SYNJ1: variants seen among roughly 807,000 people sequenced by gnomAD.
SYNJ1 encodes the protein synaptojanin 1, also known as polyphosphatidylinositol phosphatase SYNJ1.
In SYNJ1, 78 loss-of-function variants were observed where a neutral mutation model predicts 168.2. The observed-to-expected ratio is 0.46, with a 90% CI of 0.39 to 0.56. SYNJ1 has a LOEUF of 0.56. Ranked by LOEUF, SYNJ1 falls within the 20% of genes least tolerant of loss-of-function variation. The pLI is 0.00. For missense variants in SYNJ1, 1,303 were observed against 1,597.6 expected (o/e 0.82, Z 3.14); for synonymous variants, 539 against 548.6 (o/e 0.98, Z 0.24).
At chr21:32,690,312 A>T (rs2041976285) in intron 6 of SYNJ1, among the ~76,000 whole-genome samples, 1 of 152,182 alleles carries the variant, frequency 6.6e-6, no homozygotes, top group Non-Finnish European at 1.5e-5. Context: ...GGCTCAAGGG[A>T]TCCTCCCACC....
At chr21:32,704,435 G>A (rs570658103) in intron 2 of SYNJ1, among the ~76,000 whole-genome samples, 3 of 152,276 alleles carry the variant, frequency 2.0e-5, no homozygotes, top group South Asian at 2.1e-4. Flanking sequence ...CCTACTTTAC[G>A]ATATATGCTT....
chr21:32,656,435 C>T (rs1053017508), intron 21 of SYNJ1, among the ~76,000 whole-genome samples: 1 of 151,934 alleles, frequency 6.6e-6, no homozygotes, highest in African/African-American at 2.4e-5. Flanking sequence ...CTGGGTGAGA[C>T]CCTGTCTTAA....
At position 32,638,854 on chromosome 21, in the gene SYNJ1, A is replaced by C. The variant is rs1484622398; in HGVS notation, c.3915+54T>G. Reference sequence around the variant, plus strand: ...GCAATAATTAAAATAGGTATGTTCAAAGACTAAATCATATGCATCAAAGAT... The same window carrying C: ...GCAATAATTAAAATAGGTATGTTCACAGACTAAATCATATGCATCAAAGAT... On this transcript the variant is annotated intron_variant, in intron 31 of 32. Transcript: ENST00000674351. The C allele has an allele frequency of 6.0e-6, 9 of 1,492,996 alleles. No individual in the cohort carries two copies. In the Admixed American group the frequency reaches 1.5e-4, roughly 25 times the overall value. The allele number at this position is 1,492,996 out of a possible 1,614,324, so 92.5% of individuals were successfully genotyped here.
chr21:32,709,008 T>C (rs1288043886), intron 2 of SYNJ1, among the ~76,000 whole-genome samples: 1 of 152,180 alleles, frequency 6.6e-6, no homozygotes, highest in Non-Finnish European at 1.5e-5. Context: ...TAACCAAAAC[T>C]TGCCATATAA....
At chr21:32,633,928 T>G (rs1345966086) in intron 32 of SYNJ1, among the ~76,000 whole-genome samples, 1 of 152,216 alleles carries the variant, frequency 6.6e-6, no homozygotes, top group Non-Finnish European at 1.5e-5. Flanking sequence ...TAGACCTATA[T>G]GTGGAAATGT....
chr21:32,641,647 ATATT>A (rs1046666398), intron 29 of SYNJ1, among the ~76,000 whole-genome samples: 1 of 152,152 alleles, frequency 6.6e-6, no homozygotes, highest in African/African-American at 2.4e-5. Context: ...GACTCTTAAG[ATATT>A]TATTTAGTGA....
intron 6 of SYNJ1, among the ~76,000 whole-genome samples, chr21:32,690,707 G>A (rs917247017): frequency 2.0e-5 from 3 of 151,844 alleles, no homozygotes; most frequent in Non-Finnish European, 3.0e-5. Flanking sequence ...CGGATCACCT[G>A]AGGTCAGGAG....
At chr21:32,672,770 A>G (rs1439771733) in intron 14 of SYNJ1, among the ~76,000 whole-genome samples, 2 of 152,232 alleles carry the variant, frequency 1.3e-5, no homozygotes, top group South Asian at 2.1e-4. Flanking sequence ...AAGTTATTAC[A>G]TAAGTACCAA....
chr21:32,679,941 T>C (rs1333123472), intron 11 of SYNJ1, among the ~76,000 whole-genome samples: 1 of 152,006 alleles, frequency 6.6e-6, no homozygotes, highest in African/African-American at 2.4e-5. Context: ...TATATCTATA[T>C]ATTATGTTAA....
intron 15 of SYNJ1, 43 bp downstream of exon 15, chr21:32,670,245 C>T: frequency 6.4e-7 from 1 of 1,560,982 alleles, no homozygotes; most frequent in South Asian, 1.1e-5. Flanking sequence ...CATAGTTTCC[C>T]TCAACTGGCA....
intron 31 of SYNJ1, among the ~76,000 whole-genome samples, chr21:32,637,406 CTTTTTTTTTTTT>C (rs5843562): frequency 1.0e-5 from 1 of 100,298 alleles, no homozygotes; most frequent in Admixed American, 1.2e-4. Context: ...TTTCTTTTTT[CTTTTTTTTTTTT>C]TTTTTTTTGA....
In SYNJ1 at chr21:32,650,344, T is replaced by C. The variant is rs1417962676; in HGVS notation, c.2877A>G (p.Leu959=). 2.5e-6 allele frequency: 4 copies of C among 1,601,830 alleles called. No individual in the cohort carries two copies. The highest frequency in any genetic ancestry group is 3.4e-6 in the Non-Finnish European group (4 of 1,176,608). ...AAGCAATAGTTATAGTCCGATTCAATAACTAGCGGAGTAAAAGAGATATAA... is the reference window on the plus strand; with the variant it reads ...AAGCAATAGTTATAGTCCGATTCAACAACTAGCGGAGTAAAAGAGATATAA... ...LNVLSLNGKE[L]LNRTITIALK... is the part of the protein sequence containing the mutation. The change falls in exon 23 of 33, where the codon TTA becomes TTG. Residue 959 remains leucine (L), a splice_region_variant and synonymous_variant. Coordinates refer to ENST00000674351, the MANE Select transcript of SYNJ1 (RefSeq NM_203446.3).
chr21:32,714,974 T>C (rs2042969160), intron 2 of SYNJ1, among the ~76,000 whole-genome samples: 1 of 152,134 alleles, frequency 6.6e-6, no homozygotes, highest in South Asian at 2.1e-4. Flanking sequence ...TCAACCCAGC[T>C]CTCATCAATC....
At chr21:32,704,522 C>G (rs2042532269) in intron 2 of SYNJ1, among the ~76,000 whole-genome samples, 1 of 152,114 alleles carries the variant, frequency 6.6e-6, no homozygotes, top group South Asian at 2.1e-4. Context: ...GAAGCTGAAG[C>G]TAGAGGCAGG....
At chr21:32,640,783 C>A (rs376805467) in intron 29 of SYNJ1, among the ~76,000 whole-genome samples, 10 of 152,258 alleles carry the variant, frequency 6.6e-5, no homozygotes, top group African/African-American at 2.4e-4. Flanking sequence ...ACTCAATATT[C>A]CGAATTAAAT....
chr21:32,711,089 G>A (rs2042812238), intron 2 of SYNJ1, among the ~76,000 whole-genome samples: 1 of 152,136 alleles, frequency 6.6e-6, no homozygotes, highest in African/African-American at 2.4e-5. Context: ...TTTTGTGCAT[G>A]TTTTCAAACT....
chr21:32,665,593 G>T (rs2040894115), intron 17 of SYNJ1, among the ~76,000 whole-genome samples: 1 of 152,146 alleles, frequency 6.6e-6, no homozygotes, highest in Admixed American at 6.5e-5. Flanking sequence ...GAGTTGTCCT[G>T]CCTTACCAGA....
Position 32,681,367 on chromosome 21 carries a change from C to T in SYNJ1, c.1353+129G>A, listed in dbSNP as rs115365743. 4.4e-4 allele frequency: 475 copies of T among 1,084,296 alleles called. 1 individual carries two copies. In the African/African-American group the frequency reaches 7.0e-3, roughly 16 times the overall value. The allele number at this position is 1,084,296 out of a possible 1,614,324, so 67.2% of individuals were successfully genotyped here. A position where few individuals can be genotyped will look rare whatever the true frequency, so the allele number is the denominator to read the frequency against. On this transcript the variant is annotated intron_variant, in intron 11 of 32. Transcript: ENST00000674351. ...AAGTATCAAAGAAGGCATAAAAGCA[C>T]ATTAAACAGAATTCTAAGACACATC...
chr21:32,727,949 T>TTCCTCCGGC lies in SYNJ1; in HGVS notation c.-35_-27dup. 6.5e-7 allele frequency: 1 copy of TTCCTCCGGC among 1,533,144 alleles called. No homozygotes were observed. Among genetic ancestry groups the TTCCTCCGGC allele is most frequent in the Non-Finnish European group, 8.7e-7 (1 of 1,145,728 alleles). 95.0% of individuals were successfully genotyped at this position (1,533,144 alleles called of 1,614,324 possible). A position where few individuals can be genotyped will look rare whatever the true frequency, so the allele number is the denominator to read the frequency against. On this transcript the variant is annotated 5_prime_UTR_variant, in exon 1 of 33. Transcript: ENST00000674351. ...CGCCCCCCGCCGGCTTGCTCACCTC[T>TTCCTCCGGC]TCCTCCGGCTCCTCCTCCTCCTTCT...
Sources: gnomAD v4.1 joint callset for allele counts (sites outside exome capture counted in the v4.1 genomes callset) on GRCh38, gnomAD v4.1.1 for gene constraint, MANE v1.5 for transcripts, NCBI Gene and HGNC (gene_info 2026-07-23, HGNC 2026-07-21) for gene names.